The following VEPH1 variants were observed in gnomAD, a reference collection of about 807,000 sequenced individuals.
VEPH1 encodes ventricular zone expressed PH domain containing 1.
In VEPH1, 80 loss-of-function variants were observed where a neutral mutation model predicts 85.2. The observed-to-expected ratio is 0.94, with a 90% confidence interval of 0.78 to 1.13. The LOEUF is 1.13. Ranked by LOEUF, VEPH1 falls within the 50% of genes most tolerant of loss-of-function variation. The probability of loss-of-function intolerance (pLI) is 0.00; values close to 1 mark genes in which losing one functional copy is unlikely to be tolerated. For synonymous variants in VEPH1, 297 were observed against 348.0 expected (o/e 0.85, Z 1.63); for missense variants, 955 against 980.5 (o/e 0.97, Z 0.35).
intron 6 of VEPH1, among the ~76,000 whole-genome samples, chr3:157,403,889 C>T (rs1730953686): frequency 6.6e-6 from 1 of 152,052 alleles, no homozygotes; most frequent in Admixed American, 6.5e-5. Context: ...GGGCCTGGAT[C>T]CTCAGGAGCA....
rs916884109 is a variant in VEPH1 at position 157,277,803 on chromosome 3, A to C, written c.2128+8754T>G. On this transcript the variant is annotated intron_variant, in intron 12 of 13. Coordinates refer to ENST00000362010, the MANE Select transcript of VEPH1 (RefSeq NM_001167912.2). ...TGATCTGTTTATTATAGTACTTATG[A>C]AAAGAACTTATTTAAGAAGAGACTG... is the stretch of plus-strand genomic sequence containing the variant. Among the ~76,000 whole-genome samples the C allele has an allele frequency of 8.5e-5, 13 of 152,336 alleles. No individual in the cohort carries two copies. In the East Asian group the frequency reaches 1.9e-3, roughly 23 times the overall value.
At chr3:157,486,708 G>T (rs1738685591) in intron 2 of VEPH1, among the ~76,000 whole-genome samples, 1 of 152,014 alleles carries the variant, frequency 6.6e-6, no homozygotes, top group Non-Finnish European at 1.5e-5. Context: ...AAAGCTCTTA[G>T]AACAGTTTCT....
intron 7 of VEPH1, among the ~76,000 whole-genome samples, chr3:157,380,625 C>A (rs990545169): frequency 2.0e-5 from 3 of 152,174 alleles, no homozygotes; most frequent in Non-Finnish European, 2.9e-5. Context: ...AACTTCCCAC[C>A]CCTCTCCCTT....
rs373385940 is a variant in VEPH1, at chr3:157,366,380, A to G, written c.1128-1868T>C. On this transcript the variant is annotated intron_variant, in intron 7 of 13. Transcript: ENST00000362010. ...CCCTAAGGGCCAAAGTGAACCTGGC[A>G]TAATACCTGAATGAGAGTGAGAGGA... 5.3e-5 allele frequency among the ~76,000 whole-genome samples: 8 copies of G among 152,230 alleles called. No individual in the cohort carries two copies. The East Asian group carries it at 5.8e-4, about 11-fold the overall frequency.
At chr3:157,277,365 T>C (rs966117092) in intron 12 of VEPH1, among the ~76,000 whole-genome samples, 7 of 152,182 alleles carry the variant, frequency 4.6e-5, no homozygotes, top group African/African-American at 1.4e-4. Context: ...CTGCAGATTG[T>C]AGAGTTTGCC....
intron 4 of VEPH1, among the ~76,000 whole-genome samples, chr3:157,452,044 T>C (rs1334064888): frequency 2.6e-5 from 4 of 152,194 alleles, no homozygotes; most frequent in Non-Finnish European, 5.9e-5. Context: ...ATTTCAAATA[T>C]AAGTCAAGAG....
At chr3:157,380,102 G>C (rs886567232) in intron 7 of VEPH1, among the ~76,000 whole-genome samples, 1 of 152,044 alleles carries the variant, frequency 6.6e-6, no homozygotes, top group African/African-American at 2.4e-5. Flanking sequence ...TCTTGAAAAG[G>C]CCAGTTTGTG....
chr3:157,372,496 TC>T (rs1307955419), intron 7 of VEPH1, among the ~76,000 whole-genome samples: 1 of 152,206 alleles, frequency 6.6e-6, no homozygotes, highest in Non-Finnish European at 1.5e-5. Context: ...CCATTTTTCC[TC>T]AACTGTAACC....
intron 4 of VEPH1, among the ~76,000 whole-genome samples, chr3:157,444,317 C>G (rs796455188): frequency 2.0e-5 from 3 of 152,190 alleles, no homozygotes; most frequent in South Asian, 2.1e-4. Flanking sequence ...AGGTGTCAGA[C>G]AAGTTACATA....
chr3:157,471,645 C>T (rs1393512159), intron 2 of VEPH1, among the ~76,000 whole-genome samples: 1 of 151,422 alleles, frequency 6.6e-6, no homozygotes, highest in Non-Finnish European at 1.5e-5. Context: ...TGTTTATTGG[C>T]TGTTTGTATT....
chr3:157,503,502 T>G (rs1183465320), upstream of VEPH1: 1 of 152,226 alleles, frequency 6.6e-6, no homozygotes, highest in Non-Finnish European at 1.5e-5. Flanking sequence ...GTAACTTTTC[T>G]TCTCTCTCCC....
intron 12 of VEPH1, among the ~76,000 whole-genome samples, chr3:157,272,376 T>TTCTTTTCTTTCTTTCTTTCC (rs1714762846): frequency 4.9e-5 from 1 of 20,396 alleles, no homozygotes. Context: ...TTCTCTTTCT[T>TTCTTTTCTTTCTTTCTTTCC]TTCTTTCTTT....
At chr3:157,425,881 A>G (rs1054709656) in intron 5 of VEPH1, among the ~76,000 whole-genome samples, 5 of 152,178 alleles carry the variant, frequency 3.3e-5, no homozygotes, top group African/African-American at 1.2e-4. Context: ...GTACTCCCAC[A>G]ATGCCCAAAT....
intron 4 of VEPH1, chr3:157,436,862 C>G: frequency 1.9e-6 from 3 of 1,543,778 alleles, no homozygotes; most frequent in Non-Finnish European, 2.6e-6. Context: ...TCTCACTCTC[C>G]TCCGCTCAAA....
At chr3:157,419,962 C>T (rs1283993508) in intron 5 of VEPH1, among the ~76,000 whole-genome samples, 1 of 152,026 alleles carries the variant, frequency 6.6e-6, no homozygotes, top group Non-Finnish European at 1.5e-5. Context: ...GAAAATATGG[C>T]ACATATATAC....
At chr3:157,359,276 G>A (rs146295700) in intron 9 of VEPH1, among the ~76,000 whole-genome samples, 1 of 152,232 alleles carries the variant, frequency 6.6e-6, no homozygotes, top group Non-Finnish European at 1.5e-5. Flanking sequence ...AATCAGCTTT[G>A]TTCACATAAA....
rs767354091 is a variant in VEPH1 at position 157,286,626 on chromosome 3, C to T, written c.2059G>A (p.Val687Met). Residue 687 changes from valine to methionine, a missense_variant, in exon 12 of 14, where the codon GTG becomes ATG. Physicochemically the swap from Val to Met is conservative, Grantham distance 21. Coordinates refer to ENST00000362010, the MANE Select transcript of VEPH1 (RefSeq NM_001167912.2). ...LHLEEVRFFD[V>M]FGFSETAGAW... ...CCTGCTGTTTCACTGAAGCCAAACA[C>T]GTCAAAGAACCTCACTTCTTCCAGA... 118 of 1,613,956 alleles carry T rather than the reference C, an allele frequency of 7.3e-5. No homozygotes were observed. The highest frequency in any genetic ancestry group is 1.2e-4 in the Admixed American group (7 of 60,002).
chr3:157,454,428 C>G (rs1012841390), intron 4 of VEPH1, among the ~76,000 whole-genome samples: 2 of 152,058 alleles, frequency 1.3e-5, no homozygotes, highest in African/African-American at 2.4e-5. Flanking sequence ...ACTAAGAACC[C>G]ACCTTAGGAA....
intron 11 of VEPH1, among the ~76,000 whole-genome samples, chr3:157,299,799 A>G (rs1412005875): frequency 1.3e-5 from 2 of 152,120 alleles, no homozygotes; most frequent in African/African-American, 2.4e-5. Context: ...GTGAAAGATT[A>G]TGGGAATATG....
Sources: gnomAD v4.1 joint callset for allele counts (sites outside exome capture counted in the v4.1 genomes callset) on GRCh38, gnomAD v4.1.1 for gene constraint, MANE v1.5 for transcripts, NCBI Gene and HGNC (gene_info 2026-07-23, HGNC 2026-07-21) for gene names.